SGCZ: variants seen among roughly 807,000 people sequenced by gnomAD.
SGCZ encodes the protein sarcoglycan zeta, also known as zeta-sarcoglycan.
A neutral mutation model predicts 41.3 loss-of-function variants in SGCZ; 40 were observed. The observed-to-expected ratio is 0.97, with a 90% CI of 0.75 to 1.26. The LOEUF (loss-of-function observed/expected upper bound fraction) is 1.26. Ranked by LOEUF, SGCZ falls within the 50% of genes most tolerant of loss-of-function variation. The probability of loss-of-function intolerance (pLI) is 0.00; values close to 1 mark genes in which losing one functional copy is unlikely to be tolerated. For synonymous variants in SGCZ, 206 were observed against 137.5 expected (o/e 1.50, Z -3.49); for missense variants, 552 against 369.8 (o/e 1.49, Z -4.04).
At chr8:14,460,425 T>C (rs1416061557) in intron 2 of SGCZ, among the ~76,000 whole-genome samples, 1 of 152,076 alleles carries the variant, frequency 6.6e-6, no homozygotes, top group Non-Finnish European at 1.5e-5. Context: ...AGAAATTGTA[T>C]ATTAACTGGA....
At chr8:14,438,966 T>A (rs971666578) in intron 2 of SGCZ, among the ~76,000 whole-genome samples, 6 of 152,014 alleles carry the variant, frequency 3.9e-5, no homozygotes, top group African/African-American at 1.4e-4. Context: ...AAAAATAATT[T>A]TTGTAAATCT....
intron 2 of SGCZ, among the ~76,000 whole-genome samples, chr8:14,474,671 G>C (rs1403663013): frequency 6.6e-6 from 1 of 152,144 alleles, no homozygotes; most frequent in African/African-American, 2.4e-5. Context: ...ACATATTGCA[G>C]AAATTATCCT....
At chr8:14,578,614 A>T (rs988857059) in intron 1 of SGCZ, among the ~76,000 whole-genome samples, 2 of 152,246 alleles carry the variant, frequency 1.3e-5, no homozygotes, top group African/African-American at 4.8e-5. Context: ...TATGAGTGCT[A>T]AAACTGTTGA....
chr8:14,801,564 G>A (rs903939611), intron 1 of SGCZ, among the ~76,000 whole-genome samples: 3 of 152,044 alleles, frequency 2.0e-5, no homozygotes, highest in Non-Finnish European at 4.4e-5. Flanking sequence ...AGAACAGATC[G>A]TAAAGTAAAT....
chr8:14,882,577 G>C (rs17120466), intron 1 of SGCZ, among the ~76,000 whole-genome samples: 7,542 of 152,188 alleles, frequency 0.05, 224 homozygotes, highest in Non-Finnish European at 0.061. Context: ...TCCACTCAGA[G>C]TGCTTAGGTT....
intron 2 of SGCZ, among the ~76,000 whole-genome samples, chr8:14,507,745 TTTG>T (rs1802346217): frequency 7.1e-6 from 1 of 141,178 alleles, no homozygotes; most frequent in East Asian, 2.1e-4. Flanking sequence ...CATTGCTGTT[TTTG>T]TTTGTTTGTT....
intron 1 of SGCZ, among the ~76,000 whole-genome samples, chr8:15,062,218 G>T (rs892272106): frequency 3.3e-5 from 5 of 151,948 alleles, no homozygotes; most frequent in African/African-American, 1.2e-4. Flanking sequence ...TAATGAAAAG[G>T]TTAGCTTCTT....
At chr8:14,608,899 T>G (rs910768416) in intron 1 of SGCZ, among the ~76,000 whole-genome samples, 1 of 152,178 alleles carries the variant, frequency 6.6e-6, no homozygotes, top group Non-Finnish European at 1.5e-5. Flanking sequence ...AATATTCTTA[T>G]GTAATAATAG....
chr8:14,772,107 C>G (rs1800260543), intron 1 of SGCZ, among the ~76,000 whole-genome samples: 1 of 152,036 alleles, frequency 6.6e-6, no homozygotes, highest in South Asian at 2.1e-4. Context: ...CAATAAGTTA[C>G]CTGAAACATT....
Position 14,697,635 on chromosome 8 carries a change from C to G in SGCZ, c.40-142709G>C, listed in dbSNP as rs964150431. On this transcript the variant is annotated intron_variant, in intron 1 of 7. Coordinates refer to ENST00000382080, the MANE Select transcript of SGCZ (RefSeq NM_139167.4). The stretch of plus-strand genomic sequence containing the variant: ...GTGTTTATTAAATTCCATAAACATG[C>G]CAATAAACCTATCTAGAACATGCTT... Among the ~76,000 whole-genome samples the G allele has an allele frequency of 2.0e-5, 3 of 152,024 alleles. No homozygotes were observed. In the East Asian group the frequency reaches 5.8e-4, roughly 29 times the overall value.
chr8:14,906,383 A>G (rs148971781), intron 1 of SGCZ, among the ~76,000 whole-genome samples: 45 of 152,282 alleles, frequency 3.0e-4, no homozygotes, highest in Admixed American at 8.5e-4. Context: ...ACAAAAGAGT[A>G]AAAGTCCAGG....
intron 1 of SGCZ, among the ~76,000 whole-genome samples, chr8:14,718,406 T>C (rs937420458): frequency 4.6e-5 from 7 of 152,056 alleles, no homozygotes; most frequent in African/African-American, 1.7e-4. Flanking sequence ...CAATATTATC[T>C]ATATACGACT....
At chr8:14,733,776 G>C (rs1798942718) in intron 1 of SGCZ, among the ~76,000 whole-genome samples, 1 of 152,148 alleles carries the variant, frequency 6.6e-6, no homozygotes. Context: ...AGAAGCCACA[G>C]ACCTCAGGGT....
chr8:14,256,906 C>T (rs967778933), intron 3 of SGCZ, among the ~76,000 whole-genome samples: 4 of 152,134 alleles, frequency 2.6e-5, no homozygotes, highest in African/African-American at 7.2e-5. Flanking sequence ...CTCACCATTA[C>T]GGCCAGAACA....
chr8:14,233,547 TA>T (rs1334081906), intron 4 of SGCZ, among the ~76,000 whole-genome samples: 23 of 148,950 alleles, frequency 1.5e-4, no homozygotes, highest in African/African-American at 2.9e-4. Context: ...AAAAACTGCA[TA>T]ATACTTTATT....
At chr8:14,312,540 G>A (rs974324327) in intron 3 of SGCZ, among the ~76,000 whole-genome samples, 3 of 152,102 alleles carry the variant, frequency 2.0e-5, no homozygotes, top group Non-Finnish European at 4.4e-5. Context: ...GGCTGCTTGA[G>A]GCCAGGAACT....
chr8:14,383,731 G>C (rs182300902), intron 2 of SGCZ, among the ~76,000 whole-genome samples: 3 of 152,248 alleles, frequency 2.0e-5, no homozygotes, highest in East Asian at 3.9e-4. Context: ...ATATTCAGCG[G>C]AAAATGGTCC....
At chr8:15,064,331 G>A (rs1805044861) in intron 1 of SGCZ, among the ~76,000 whole-genome samples, 1 of 151,990 alleles carries the variant, frequency 6.6e-6, no homozygotes, top group African/African-American at 2.4e-5. Flanking sequence ...ATCATTTTTT[G>A]TCACTCAACC....
chr8:14,820,974 T>C (rs1222873459), intron 1 of SGCZ, among the ~76,000 whole-genome samples: 1 of 139,308 alleles, frequency 7.2e-6, no homozygotes, highest in African/African-American at 2.7e-5. Flanking sequence ...AGGAAGGAAA[T>C]AATAAAGCTC....
Sources: gnomAD v4.1 joint callset for allele counts (sites outside exome capture counted in the v4.1 genomes callset) on GRCh38, gnomAD v4.1.1 for gene constraint, MANE v1.5 for transcripts, NCBI Gene and HGNC (gene_info 2026-07-23, HGNC 2026-07-21) for gene names.